The following MID1 variants were observed in gnomAD, a reference collection of about 807,000 sequenced individuals.
MID1 encodes E3 ubiquitin-protein ligase Midline-1.
In MID1, 7 loss-of-function variants were observed where a neutral mutation model predicts 40.4. The observed-to-expected ratio is 0.17, with a 90% CI of 0.10 to 0.33. The LOEUF (loss-of-function observed/expected upper bound fraction) is 0.33. MID1 is among the 10% of genes least tolerant of loss of function. The probability of loss-of-function intolerance (pLI) is 1.00; values close to 1 mark genes in which losing one functional copy is unlikely to be tolerated. For synonymous variants in MID1, 229 were observed against 221.2 expected, an observed-to-expected ratio of 1.04 and a Z score of -0.31; for missense variants, 367 against 558.5, an observed-to-expected ratio of 0.66 and a Z score of 3.46.
chrX:10,713,504 T>A (rs1427705429), intron 1 of MID1, among the ~76,000 whole-genome samples: 1 of 110,606 alleles, frequency 9.0e-6, no homozygotes, highest in African/African-American at 3.3e-5. Flanking sequence ...TTTAAAAACA[T>A]TTTTGTAGAA....
chrX:10,791,629 G>T (rs770750873), intron 1 of MID1, among the ~76,000 whole-genome samples: 1 of 111,578 alleles, frequency 9.0e-6, no homozygotes, highest in South Asian at 3.8e-4. Context: ...AGACATGTGG[G>T]TCCTGATCAT....
chrX:10,748,452 T>C (rs1334403277), intron 1 of MID1, among the ~76,000 whole-genome samples: 3 of 112,370 alleles, frequency 2.7e-5, no homozygotes, highest in Non-Finnish European at 5.6e-5. Context: ...GTCTGAGCTA[T>C]AGATAACTGC....
chrX:10,696,195 G>T (rs988013001), intron 1 of MID1, among the ~76,000 whole-genome samples: 9 of 111,447 alleles, frequency 8.1e-5, no homozygotes, highest in African/African-American at 2.9e-4. Flanking sequence ...GAATTTAACT[G>T]GTATATGACC....
chrX:10,737,312 T>A (rs1009249923), intron 1 of MID1, among the ~76,000 whole-genome samples: 1 of 112,349 alleles, frequency 8.9e-6, no homozygotes, highest in African/African-American at 3.2e-5. Context: ...ATACACCAGG[T>A]CCCTGAAAAA....
At chrX:10,466,327 A>G (rs985233040) in intron 7 of MID1, among the ~76,000 whole-genome samples, 5 of 112,361 alleles carry the variant, frequency 4.4e-5, no homozygotes, top group African/African-American at 1.6e-4. Context: ...TGAAGACAAA[A>G]TACATTAATT....
At chrX:10,557,307 C>G (rs149720250) in intron 2 of MID1, among the ~76,000 whole-genome samples, 58 of 112,170 alleles carry the variant, frequency 5.2e-4, no homozygotes, top group African/African-American at 1.7e-3. Context: ...ATCCTACACC[C>G]ATGATGCTGG....
intron 1 of MID1, among the ~76,000 whole-genome samples, chrX:10,679,191 T>A (rs1173818932): frequency 8.9e-6 from 1 of 112,365 alleles, no homozygotes; most frequent in Non-Finnish European, 1.9e-5. Flanking sequence ...CAGATCTCTA[T>A]GTACTAATAT....
In MID1 at chrX:10,567,002, C is replaced by T; in HGVS notation, c.546G>A (p.Lys182=). The change falls in exon 2 of 10, where the codon AAG becomes AAA. Residue 182 remains lysine, a synonymous_variant. Coordinates refer to ENST00000317552, the MANE Select transcript of MID1 (RefSeq NM_000381.4). Reference sequence around the variant, plus strand: ...CATCGGTCACACAGTACATATTCACCTTCTCATCCTCATGCTCCAAGCACA... The same window carrying T: ...CATCGGTCACACAGTACATATTCACTTTCTCATCCTCATGCTCCAAGCACA... The part of the protein sequence containing the change: ...GLMCLEHEDE[K]VNMYCVTDDQ... 8.3e-7 allele frequency: 1 copy of T among 1,211,769 alleles called. No homozygotes were observed. The highest frequency in any genetic ancestry group is 1.8e-5 in the South Asian group (1 of 56,965).
intron 1 of MID1, among the ~76,000 whole-genome samples, chrX:10,626,843 A>G (rs977237614): frequency 6.2e-5 from 7 of 112,035 alleles, no homozygotes; most frequent in African/African-American, 2.3e-4. Flanking sequence ...AATTCCTGAC[A>G]CCATTATATT....
chrX:10,777,695 C>T (rs978314144), intron 1 of MID1, among the ~76,000 whole-genome samples: 1 of 109,561 alleles, frequency 9.1e-6, no homozygotes, highest in African/African-American at 3.3e-5. Context: ...CATGTGCCAC[C>T]ACGCCTGGCT....
chrX:10,486,021 T>C (rs1315240051), intron 4 of MID1, among the ~76,000 whole-genome samples: 1 of 111,946 alleles, frequency 8.9e-6, no homozygotes, highest in African/African-American at 3.2e-5. Context: ...TGTGTTGACA[T>C]GAAACTTATC....
intron 4 of MID1, among the ~76,000 whole-genome samples, chrX:10,494,979 T>G (rs1931166640): frequency 1.8e-5 from 2 of 111,173 alleles, no homozygotes; most frequent in Non-Finnish European, 3.8e-5. Flanking sequence ...AAAGAATGTA[T>G]GTCAATTTAT....
At chrX:10,626,276 C>T (rs1451603666) in intron 1 of MID1, among the ~76,000 whole-genome samples, 1 of 108,840 alleles carries the variant, frequency 9.2e-6, no homozygotes, top group African/African-American at 3.4e-5. Flanking sequence ...GAACATTTCC[C>T]AGCCCCCTTT....
chrX:10,737,622 G>A (rs924922357), intron 1 of MID1, among the ~76,000 whole-genome samples: 4 of 107,585 alleles, frequency 3.7e-5, no homozygotes, highest in African/African-American at 1.4e-4. Context: ...AAGTGAAAGG[G>A]GGTGGGGGGA....
intron 5 of MID1, among the ~76,000 whole-genome samples, chrX:10,481,741 C>T (rs1037392550): frequency 6.2e-5 from 7 of 112,333 alleles, no homozygotes; most frequent in Non-Finnish European, 9.4e-5. Flanking sequence ...CCACCGTGCC[C>T]GGCTAGTGCT....
chrX:10,609,884 AT>A (rs1219717368), intron 1 of MID1, among the ~76,000 whole-genome samples: 3 of 109,336 alleles, frequency 2.7e-5, no homozygotes, highest in African/African-American at 6.7e-5. Flanking sequence ...TGCCCGGCTA[AT>A]TTTTTTGTAT....
At chrX:10,798,573 C>T (rs902639719) in intron 1 of MID1, among the ~76,000 whole-genome samples, 5 of 111,714 alleles carry the variant, frequency 4.5e-5, no homozygotes, top group African/African-American at 9.8e-5. Context: ...TACTTCAAGT[C>T]GGAAAGATGA....
At chrX:10,489,267 T>C (rs1009639339) in intron 4 of MID1, among the ~76,000 whole-genome samples, 1 of 112,435 alleles carries the variant, frequency 8.9e-6, no homozygotes, top group Non-Finnish European at 1.9e-5. Context: ...TTTTCTTTTA[T>C]GGATAATGCT....
chrX:10,555,995 C>T (rs772688813), intron 2 of MID1, among the ~76,000 whole-genome samples: 1 of 109,601 alleles, frequency 9.1e-6, no homozygotes, highest in African/African-American at 3.3e-5. Context: ...CAGTCGATAC[C>T]GAAGTTCCTT....
Sources: allele counts gnomAD v4.1 joint callset (sites outside exome capture counted in the v4.1 genomes callset), GRCh38; gene constraint gnomAD v4.1.1; transcripts MANE v1.5; gene names NCBI Gene and HGNC (gene_info 2026-07-23, HGNC 2026-07-21).